The following ZFPM2 variants were observed in gnomAD, a reference collection of about 807,000 sequenced individuals.
The protein encoded by ZFPM2 is zinc finger protein, FOG family member 2.
In ZFPM2, 20 loss-of-function variants were observed where a neutral mutation model predicts 98.6. The observed-to-expected ratio is 0.20, with a 90% CI of 0.14 to 0.29. ZFPM2 has a LOEUF of 0.29. ZFPM2 is among the 10% of genes least tolerant of loss of function. The probability of loss-of-function intolerance (pLI) is 1.00; values close to 1 mark genes in which losing one functional copy is unlikely to be tolerated. For missense variants in ZFPM2, 1,310 were observed against 1,388.6 expected, an observed-to-expected ratio of 0.94 and a Z score of 0.90; for synonymous variants, 518 against 502.7, an observed-to-expected ratio of 1.03 and a Z score of -0.41.
intron 1 of ZFPM2, among the ~76,000 whole-genome samples, chr8:105,337,290 G>C (rs1812346496): frequency 6.6e-6 from 1 of 151,694 alleles, no homozygotes; most frequent in Non-Finnish European, 1.5e-5. Context: ...CAGGGGTAAG[G>C]AATATGTGTT....
intron 5 of ZFPM2, among the ~76,000 whole-genome samples, chr8:105,682,263 T>A (rs1454548432): frequency 1.3e-5 from 2 of 152,138 alleles, no homozygotes; most frequent in Non-Finnish European, 2.9e-5. Flanking sequence ...GGGGCCAGTT[T>A]GCTCTTCCAG....
At chr8:105,419,439 TAAAA>T in intron 2 of ZFPM2, 137 bp downstream of exon 2, 2 of 1,055,400 alleles carry the variant, frequency 1.9e-6, no homozygotes, top group South Asian at 1.7e-5. Context: ...TTTTTAAACA[TAAAA>T]TTTTATTTCG....
At chr8:105,777,319 G>A (rs75365411) in intron 5 of ZFPM2, among the ~76,000 whole-genome samples, 2,351 of 152,212 alleles carry the variant, frequency 0.015, 23 homozygotes, top group Non-Finnish European at 0.021. Flanking sequence ...AAAAGTTTGC[G>A]TTTTCATTTT....
intron 4 of ZFPM2, among the ~76,000 whole-genome samples, chr8:105,572,640 T>C (rs1337851952): frequency 1.3e-5 from 2 of 152,128 alleles, no homozygotes; most frequent in Admixed American, 1.3e-4. Flanking sequence ...GCTAATTTTA[T>C]ATTTTTAGTA....
intron 5 of ZFPM2, among the ~76,000 whole-genome samples, chr8:105,687,902 T>A (rs1810778042): frequency 6.6e-6 from 1 of 152,014 alleles, no homozygotes; most frequent in Non-Finnish European, 1.5e-5. Context: ...ATACATAGTA[T>A]ATTGAATATA....
intron 1 of ZFPM2, among the ~76,000 whole-genome samples, chr8:105,378,558 G>C (rs1810777113): frequency 6.6e-6 from 1 of 152,248 alleles, no homozygotes; most frequent in Admixed American, 6.5e-5. Context: ...TCTACAAATA[G>C]TTGGAGGACG....
At chr8:105,331,111 T>A (rs1379485234) in intron 1 of ZFPM2, among the ~76,000 whole-genome samples, 2 of 150,630 alleles carry the variant, frequency 1.3e-5, no homozygotes, top group African/African-American at 4.9e-5. Flanking sequence ...GTTGTTTCTT[T>A]TGTTATTCCA....
chr8:105,680,643 A>G (rs1257119892), intron 5 of ZFPM2, among the ~76,000 whole-genome samples: 1 of 152,134 alleles, frequency 6.6e-6, no homozygotes, highest in Non-Finnish European at 1.5e-5. Flanking sequence ...TTCCTTTTTC[A>G]TGGTCAGTCA....
chr8:105,505,770 A>T (rs867697654), intron 3 of ZFPM2, among the ~76,000 whole-genome samples: 20 of 152,176 alleles, frequency 1.3e-4, no homozygotes, highest in African/African-American at 3.9e-4. Context: ...TAGCCAATTT[A>T]TACACAAAAG....
rs1412560468 is a variant in ZFPM2, at chr8:105,803,183, T to C, written c.3101T>C (p.Leu1034Ser). The C allele has an allele frequency of 1.2e-6, 2 of 1,613,716 alleles. No homozygotes were observed. The highest frequency in any genetic ancestry group is 2.7e-5 in the African/African-American group (2 of 74,924). Reference sequence around the variant, plus strand: ...GCGCTGAAGAAAGATTCTCTGCCATTGTTGCCCAAAAATCGAGGAATGGTA... The same window carrying C: ...GCGCTGAAGAAAGATTCTCTGCCATCGTTGCCCAAAAATCGAGGAATGGTA... Reference protein sequence around the residue: ...CAALKKDSLPLLPKNRGMVIV... With the variant: ...CAALKKDSLPSLPKNRGMVIV... The change falls in exon 8 of 8, where the codon TTG becomes TCG. Residue 1034 changes from leucine (L) to serine (S), a missense_variant. By Grantham distance (145) the Leu-to-Ser change is moderately radical (BLOSUM62 -2). Transcript: ENST00000407775.
intron 4 of ZFPM2, among the ~76,000 whole-genome samples, chr8:105,595,751 A>AT (rs1815955673): frequency 3.3e-5 from 5 of 152,058 alleles, no homozygotes; most frequent in African/African-American, 4.8e-5. Context: ...AAATATCGTG[A>AT]ATTTTTTTGC....
intron 5 of ZFPM2, among the ~76,000 whole-genome samples, chr8:105,686,502 G>A (rs1586197789): frequency 6.6e-6 from 1 of 151,970 alleles, no homozygotes; most frequent in Non-Finnish European, 1.5e-5. Context: ...TAAGAAATAA[G>A]TGTTCATTTC....
At chr8:105,664,694 A>G (rs1208022630) in intron 5 of ZFPM2, among the ~76,000 whole-genome samples, 1 of 152,156 alleles carries the variant, frequency 6.6e-6, no homozygotes, top group Non-Finnish European at 1.5e-5. Context: ...TTTTTACTTG[A>G]AAGATGGAAT....
At chr8:105,720,830 G>A (rs1397012914) in intron 5 of ZFPM2, among the ~76,000 whole-genome samples, 1 of 151,832 alleles carries the variant, frequency 6.6e-6, no homozygotes, top group Admixed American at 6.6e-5. Flanking sequence ...CCACATTTCG[G>A]ATGGGCTCTG....
intron 1 of ZFPM2, among the ~76,000 whole-genome samples, chr8:105,372,939 G>A (rs1218956779): frequency 1.3e-5 from 2 of 152,124 alleles, no homozygotes; most frequent in Non-Finnish European, 2.9e-5. Flanking sequence ...ATAAAGGGAA[G>A]TAAGAGAAAA....
At chr8:105,744,962 A>T (rs1812308807) in intron 5 of ZFPM2, among the ~76,000 whole-genome samples, 1 of 152,140 alleles carries the variant, frequency 6.6e-6, no homozygotes, top group African/African-American at 2.4e-5. Context: ...AATTCTCTCA[A>T]AGATTTTGCA....
chr8:105,741,763 T>A (rs2131034295), intron 5 of ZFPM2, among the ~76,000 whole-genome samples: 1 of 152,174 alleles, frequency 6.6e-6, no homozygotes, highest in East Asian at 1.9e-4. Flanking sequence ...GTCATGAATG[T>A]AAAATGAGAT....
At chr8:105,641,408 G>C (rs113230484) in intron 5 of ZFPM2, among the ~76,000 whole-genome samples, 12 of 152,094 alleles carry the variant, frequency 7.9e-5, no homozygotes, top group African/African-American at 2.6e-4. Flanking sequence ...ATATTTTGAG[G>C]AGTGAGCAAT....
At position 105,510,303 on chromosome 8, in the gene ZFPM2, C is replaced by A. The variant is rs1280055498; in HGVS notation, c.302-51060C>A. On this transcript the variant is annotated intron_variant, in intron 3 of 7. Coordinates refer to ENST00000407775, the MANE Select transcript of ZFPM2 (RefSeq NM_012082.4). ...TTTGAACAATTTACATTTAAAAAATCCAAGAAAAGCAAGAACAACTTTATT... is the reference window on the plus strand; with the variant it reads ...TTTGAACAATTTACATTTAAAAAATACAAGAAAAGCAAGAACAACTTTATT... 2.0e-5 allele frequency among the ~76,000 whole-genome samples: 3 copies of A among 151,956 alleles called. No individual in the cohort carries two copies. In the East Asian group the frequency reaches 5.8e-4, roughly 29 times the overall value.
Sources: gnomAD v4.1 joint callset for allele counts (sites outside exome capture counted in the v4.1 genomes callset) on GRCh38, gnomAD v4.1.1 for gene constraint, MANE v1.5 for transcripts, NCBI Gene and HGNC (gene_info 2026-07-23, HGNC 2026-07-21) for gene names.